Variants in CARS2 observed in about 807,000 individuals in gnomAD.
CARS2 encodes probable cysteine--tRNA ligase, mitochondrial.
CARS2 carries 52 observed loss-of-function variants against 68.8 expected under a neutral mutation model. The ratio of observed to expected loss-of-function variants is 0.76; its 90% CI spans 0.61 to 0.95. CARS2 has a LOEUF of 0.95. Ranked by LOEUF, CARS2 falls within the 40% of genes least tolerant of loss-of-function variation. The probability of loss-of-function intolerance (pLI) is 0.00; values close to 1 mark genes in which losing one functional copy is unlikely to be tolerated. For synonymous variants in CARS2, 314 were observed against 303.6 expected (o/e 1.03, Z -0.36); for missense variants, 780 against 754.2 (o/e 1.03, Z -0.40).
chr13:110,643,577 G>A (rs1887688104), intron 13 of CARS2: 1 of 154,492 alleles, frequency 6.5e-6, no homozygotes, highest in African/African-American at 2.4e-5. Context: ...CTGGTCTAGA[G>A]TGGCAGCCCC....
intron 3 of CARS2, among the ~76,000 whole-genome samples, chr13:110,691,537 G>T (rs2063459056): frequency 6.6e-6 from 1 of 152,036 alleles, no homozygotes; most frequent in Non-Finnish European, 1.5e-5. Context: ...TTGCCTTGGG[G>T]TCTCTTTTAT....
chr13:110,673,380 CA>C (rs2062855715), intron 7 of CARS2, among the ~76,000 whole-genome samples: 2 of 152,228 alleles, frequency 1.3e-5, no homozygotes, highest in Admixed American at 6.5e-5. Context: ...AAGTGGGCTT[CA>C]TCCCTGGGAT....
chr13:110,671,069 A>T (rs965818017), intron 7 of CARS2, among the ~76,000 whole-genome samples: 1 of 152,224 alleles, frequency 6.6e-6, no homozygotes, highest in Non-Finnish European at 1.5e-5. Context: ...CTATGTGAAA[A>T]GACCAAATCT....
chr13:110,642,877 T>C (rs995537721), intron 13 of CARS2: 2 of 516,236 alleles, frequency 3.9e-6, no homozygotes, highest in Admixed American at 2.4e-5. Context: ...AACCTGAGGA[T>C]GAGGCTGGGG....
At chr13:110,694,123 G>T (rs1305817218) in intron 3 of CARS2, among the ~76,000 whole-genome samples, 5 of 151,852 alleles carry the variant, frequency 3.3e-5, no homozygotes, top group African/African-American at 1.2e-4. Flanking sequence ...TGCCTCCCAG[G>T]TTTAAGTGAT....
chr13:110,651,076 C>A lies in CARS2; in HGVS notation c.1012G>T (p.Asp338Tyr). 3 of 1,613,416 alleles carry A rather than the reference C, an allele frequency of 1.9e-6. No individual in the cohort carries two copies. The highest frequency in any genetic ancestry group is 2.5e-6 in the Non-Finnish European group (3 of 1,179,860). Residue 338 changes from aspartate to tyrosine, a missense_variant, in exon 10 of 15, where the codon GAT becomes TAT. Coordinates refer to ENST00000257347, the MANE Select transcript of CARS2 (RefSeq NM_024537.4). ...CGCAGGCAGAAGAACCGGAAGACATCGGGGGAAAAGGTCTTCAGAAAGTCC... is the reference window on the plus strand; with the variant it reads ...CGCAGGCAGAAGAACCGGAAGACATAGGGGGAAAAGGTCTTCAGAAAGTCC... ...IKDFLKTFSP[D>Y]VFRFFCLRSS...
Position 110,683,120 on chromosome 13 carries a change from C to T in CARS2, c.586G>A (p.Asp196Asn), listed in dbSNP as rs140082252. Residue 196 changes from aspartate (D) to asparagine (N), a missense_variant, in exon 6 of 15, where the codon GAT (aspartate) becomes AAT (asparagine). Coordinates refer to ENST00000257347, the MANE Select transcript of CARS2 (RefSeq NM_024537.4). Reference sequence around the variant, plus strand: ...TACTTGTCTCCTCTAGACTTCAGATCGAAGTAGACATTGCCTGTTTATAAA... The same window carrying T: ...TACTTGTCTCCTCTAGACTTCAGATTGAAGTAGACATTGCCTGTTTATAAA... Reference protein sequence around the residue: ...YSTAKGNVYFDLKSRGDKYGK... With the variant: ...YSTAKGNVYFNLKSRGDKYGK... 2,807 of 1,595,142 alleles carry T rather than the reference C, an allele frequency of 1.8e-3. 53 individuals carry two copies. In the South Asian group the frequency reaches 0.019, roughly 11 times the overall value.
Position 110,642,018 on chromosome 13 carries a change from G to A in CARS2, c.1623+297C>T, listed in dbSNP as rs185551813. Among the ~76,000 whole-genome samples, 286 of 152,020 alleles carry A rather than the reference G, an allele frequency of 1.9e-3. 2 individuals are homozygous for A. The highest frequency in any genetic ancestry group is 6.4e-3 in the African/African-American group (266 of 41,312). On this transcript the variant is annotated intron_variant, in intron 14 of 14. Coordinates refer to ENST00000257347, the MANE Select transcript of CARS2 (RefSeq NM_024537.4). The stretch of plus-strand genomic sequence containing the variant: ...GGAGTTTGAGACCAGCCTGACCCAC[G>A]TGGAGAAAACCTGTCTCTACTAAAA...
intron 9 of CARS2, among the ~76,000 whole-genome samples, chr13:110,660,262 T>C (rs2062468548): frequency 6.6e-6 from 1 of 152,224 alleles, no homozygotes; most frequent in African/African-American, 2.4e-5. Flanking sequence ...CTTCCTCCAA[T>C]GATGTCCTGA....
intron 5 of CARS2, among the ~76,000 whole-genome samples, chr13:110,683,960 C>A (rs1456766706): frequency 6.6e-6 from 1 of 152,232 alleles, no homozygotes; most frequent in East Asian, 1.9e-4. Context: ...GAGCCTCCTG[C>A]AAGCCTGGGC....
At chr13:110,713,099 G>T in intron 1 of CARS2, 1 of 1,439,426 alleles carries the variant, frequency 6.9e-7, no homozygotes, top group Non-Finnish European at 9.1e-7. Context: ...CGGAGGACTT[G>T]GGTTTCTAGT....
chr13:110,688,139 C>T (rs2063358897), intron 3 of CARS2, 121 bp from the exon 4 acceptor site: 2 of 592,848 alleles, frequency 3.4e-6, no homozygotes, highest in Admixed American at 5.5e-5. Context: ...CCTCCGGTGC[C>T]TCGGCCTCAG....
intron 9 of CARS2, among the ~76,000 whole-genome samples, chr13:110,652,775 C>T (rs948695698): frequency 3.9e-5 from 6 of 152,266 alleles, no homozygotes; most frequent in Non-Finnish European, 8.8e-5. Flanking sequence ...CCACAGACCT[C>T]CTAGGGGCCC....
At chr13:110,644,782 G>C (rs1270076567) in intron 12 of CARS2, 4 of 319,714 alleles carry the variant, frequency 1.3e-5, no homozygotes, top group African/African-American at 4.1e-5. Flanking sequence ...GCGCATGGTA[G>C]GTGGAGGCTG....
chr13:110,646,146 G>GC, intron 11 of CARS2, 56 bp from the exon 12 acceptor site: 4 of 1,567,708 alleles, frequency 2.6e-6, no homozygotes, highest in Non-Finnish European at 3.4e-6. Context: ...TCCCCAGGCG[G>GC]CCCCCACACC....
At chr13:110,641,717 C>T in intron 14 of CARS2, 109 bp from the exon 15 acceptor site, 3 of 892,726 alleles carry the variant, frequency 3.4e-6, no homozygotes, top group South Asian at 2.7e-5. Context: ...CCGGCCTGTC[C>T]TAAAAAGCTT....
chr13:110,701,945 G>C (rs1315224802), intron 2 of CARS2, among the ~76,000 whole-genome samples: 1 of 152,198 alleles, frequency 6.6e-6, no homozygotes, highest in African/African-American at 2.4e-5. Flanking sequence ...TGACAAAACA[G>C]AAGCAAATAC....
At chr13:110,712,981 G>C (rs372877159) in intron 1 of CARS2, 40 of 1,555,052 alleles carry the variant, frequency 2.6e-5, no homozygotes, top group Non-Finnish European at 2.5e-5. Context: ...GGAATGGGTA[G>C]GTCTCCCGCG....
chr13:110,693,920 T>C (rs2063548303), intron 3 of CARS2, among the ~76,000 whole-genome samples: 1 of 152,132 alleles, frequency 6.6e-6, no homozygotes. Context: ...ACATTTCACC[T>C]TCTTCCAGAA....
Sources: allele counts gnomAD v4.1 joint callset (sites outside exome capture counted in the v4.1 genomes callset), GRCh38; gene constraint gnomAD v4.1.1; transcripts MANE v1.5; gene names NCBI Gene and HGNC (gene_info 2026-07-23, HGNC 2026-07-21).